SLC6A5: variants seen among roughly 807,000 people sequenced by gnomAD.
SLC6A5 encodes sodium- and chloride-dependent glycine transporter 2.
In SLC6A5, 58 loss-of-function variants were observed where a neutral mutation model predicts 90.5. The observed-to-expected ratio is 0.64, with a 90% CI of 0.52 to 0.80. SLC6A5 has a LOEUF of 0.80. SLC6A5 is among the 30% of genes least tolerant of loss of function. The pLI is 0.00. For missense variants in SLC6A5, 1,015 were observed against 1,017.6 expected (o/e 1.00, Z 0.03); for synonymous variants, 427 against 401.4 (o/e 1.06, Z -0.76).
At chr11:20,608,967 T>TGC (rs1221572179) in intron 5 of SLC6A5, among the ~76,000 whole-genome samples, 1,216 of 94,498 alleles carry the variant, frequency 0.013, 28 homozygotes, top group African/African-American at 0.037. Flanking sequence ...TCTGTGTGTG[T>TGC]GTGTGTGTGT....
rs186730180 is a variant in SLC6A5 at position 20,628,422 on chromosome 11, A to T, written c.1499+339A>T. ...TGGATACAATGGACTGTGCCTTCAG[A>T]TGGTCTTCCCTCTGTGTGGGGCTGT... On this transcript the variant is annotated intron_variant, in intron 9 of 15. Coordinates refer to ENST00000525748, the MANE Select transcript of SLC6A5 (RefSeq NM_004211.5). Among the ~76,000 whole-genome samples the T allele has an allele frequency of 1.8e-3, 275 of 152,292 alleles. 1 individual carries two copies. Among genetic ancestry groups the T allele is most frequent in the African/African-American group, 6.3e-3 (263 of 41,562 alleles).
At position 20,607,600 on chromosome 11, in the gene SLC6A5, C is replaced by T. The variant is rs778195301; in HGVS notation, c.933C>T (p.Cys311=). 1 of 1,614,144 alleles carries T rather than the reference C, an allele frequency of 6.2e-7. No individual in the cohort carries two copies. Among genetic ancestry groups the T allele is most frequent in the Non-Finnish European group, 8.5e-7 (1 of 1,180,002 alleles). ...TGTCTGTACTACCCTGGGGCTCCTGCAACAACCCTTGGAATACGCCAGAAT... is the reference window on the plus strand; with the variant it reads ...TGTCTGTACTACCCTGGGGCTCCTGTAACAACCCTTGGAATACGCCAGAAT... ...SFVSVLPWGS[C]NNPWNTPECK... Residue 311 remains cysteine (C), a synonymous_variant, in exon 5 of 16, where the codon TGC becomes TGT. Coordinates refer to ENST00000525748, the MANE Select transcript of SLC6A5 (RefSeq NM_004211.5).
At chr11:20,622,335 T>A (rs1289879075) in intron 7 of SLC6A5, among the ~76,000 whole-genome samples, 1 of 152,200 alleles carries the variant, frequency 6.6e-6, no homozygotes, top group Non-Finnish European at 1.5e-5. Flanking sequence ...CAGTGCCTAG[T>A]GTGCAAAATT....
chr11:20,643,252 T>G (rs75620449), intron 13 of SLC6A5, among the ~76,000 whole-genome samples: 2,804 of 151,980 alleles, frequency 0.018, 103 homozygotes, highest in African/African-American at 0.064. Context: ...GAAAAAGAAC[T>G]GAGGCCTGCT....
At chr11:20,645,705 C>A (rs1313914673) in intron 13 of SLC6A5, among the ~76,000 whole-genome samples, 2 of 143,508 alleles carry the variant, frequency 1.4e-5, no homozygotes, top group African/African-American at 2.6e-5. Context: ...GTGGTGCGAT[C>A]TCGGCTCACT....
intron 7 of SLC6A5, among the ~76,000 whole-genome samples, chr11:20,626,472 C>T (rs917118685): frequency 6.6e-6 from 1 of 152,058 alleles, no homozygotes; most frequent in Non-Finnish European, 1.5e-5. Flanking sequence ...TGGCTGTAGG[C>T]CGACTCACCC....
intron 13 of SLC6A5, among the ~76,000 whole-genome samples, chr11:20,643,276 A>G (rs1307403815): frequency 6.6e-6 from 1 of 150,702 alleles, no homozygotes; most frequent in Non-Finnish European, 1.5e-5. Context: ...GGTGCTTTAT[A>G]TATATTTTTG....
At chr11:20,628,285 T>C (rs1365025158) in intron 9 of SLC6A5, among the ~76,000 whole-genome samples, 1 of 152,226 alleles carries the variant, frequency 6.6e-6, no homozygotes, top group Admixed American at 6.5e-5. Context: ...CACCTGGCTC[T>C]GACACATGGG....
chr11:20,652,258 C>T (rs1853547870), intron 14 of SLC6A5, 31 bp from the exon 15 acceptor site: 2 of 1,610,856 alleles, frequency 1.2e-6, no homozygotes, highest in South Asian at 2.2e-5. Flanking sequence ...ACGCCACCAC[C>T]CTAACACGTG....
intron 10 of SLC6A5, among the ~76,000 whole-genome samples, chr11:20,635,063 C>T (rs1267955583): frequency 1.3e-5 from 2 of 152,132 alleles, no homozygotes; most frequent in Non-Finnish European, 2.9e-5. Flanking sequence ...GACTTCCCCA[C>T]CAAGACCACA....
At position 20,607,642 on chromosome 11, in the gene SLC6A5, AC is replaced by A; in HGVS notation, c.976del (p.Leu326PhefsTer3). 1 of 1,613,822 alleles carries A rather than the reference AC, an allele frequency of 6.2e-7. No individual in the cohort carries two copies. Among genetic ancestry groups the A allele is most frequent in the Non-Finnish European group, 8.5e-7 (1 of 1,179,768 alleles). Reference sequence around the variant, plus strand: ...CGCCAGAATGCAAAGATAAAACCAAACTTTTATTAGGTAAGTTTGGAAATAC... The same window carrying A: ...CGCCAGAATGCAAAGATAAAACCAAATTTTATTAGGTAAGTTTGGAAATAC... ...NTPECKDKTK[L>X]LLDSCVISDH... On this transcript the variant is annotated frameshift_variant, in exon 5 of 16. Transcript: ENST00000525748. LOFTEE classifies it high-confidence loss of function.
intron 14 of SLC6A5, among the ~76,000 whole-genome samples, chr11:20,648,527 C>G (rs191839857): frequency 6.6e-6 from 1 of 152,216 alleles, no homozygotes; most frequent in African/African-American, 2.4e-5. Flanking sequence ...AAAGGGTAGG[C>G]TTTCTATCTC....
At chr11:20,622,825 A>T (rs1852917646) in intron 7 of SLC6A5, among the ~76,000 whole-genome samples, 1 of 152,076 alleles carries the variant, frequency 6.6e-6, no homozygotes, top group Non-Finnish European at 1.5e-5. Flanking sequence ...AGGTGGTCAG[A>T]GGATGGAAAG....
chr11:20,603,163 AC>A (rs1336911886), intron 2 of SLC6A5, among the ~76,000 whole-genome samples: 1 of 152,158 alleles, frequency 6.6e-6, no homozygotes, highest in Non-Finnish European at 1.5e-5. Context: ...TGTCCTGCAC[AC>A]CCTGTAGAAA....
At chr11:20,627,717 G>A (rs1463501804) in intron 8 of SLC6A5, among the ~76,000 whole-genome samples, 2 of 152,292 alleles carry the variant, frequency 1.3e-5, no homozygotes, top group East Asian at 1.9e-4. Context: ...TAGCTTTACA[G>A]GAGAGAACAT....
chr11:20,616,342 C>T (rs933966956), intron 6 of SLC6A5, among the ~76,000 whole-genome samples: 4 of 152,172 alleles, frequency 2.6e-5, no homozygotes, highest in African/African-American at 7.2e-5. Flanking sequence ...TCTGAAAGAC[C>T]GCCAAAAGCA....
intron 3 of SLC6A5, among the ~76,000 whole-genome samples, chr11:20,605,927 T>A (rs75746897): frequency 0.063 from 9,610 of 152,288 alleles, 673 homozygotes; most frequent in East Asian, 0.35. Context: ...TGGGCCTTCC[T>A]GGCTTGGAGA....
intron 11 of SLC6A5, 109 bp from the exon 12 acceptor site, chr11:20,637,063 C>T: frequency 8.1e-7 from 1 of 1,238,850 alleles, no homozygotes; most frequent in African/African-American, 1.5e-5. Context: ...TCCTAAAAAC[C>T]AAACCTAACA....
Position 20,655,034 on chromosome 11 carries a change from C to T in SLC6A5, c.*166C>T. On this transcript the variant is annotated 3_prime_UTR_variant, in exon 16 of 16. Transcript: ENST00000525748. ...AGAAAAGTAGGCATAGTGTCGCATGCTGCAGTAAAGAGCTACATAGACCAC... is the reference window on the plus strand; with the variant it reads ...AGAAAAGTAGGCATAGTGTCGCATGTTGCAGTAAAGAGCTACATAGACCAC... The T allele has an allele frequency of 1.3e-6, 1 of 788,130 alleles. No homozygotes were observed. Among genetic ancestry groups the T allele is most frequent in the Non-Finnish European group, 2.2e-6 (1 of 456,990 alleles). 48.8% of individuals were successfully genotyped at this position (788,130 alleles called of 1,614,324 possible).
Sources: gnomAD v4.1 joint callset for allele counts (sites outside exome capture counted in the v4.1 genomes callset) on GRCh38, gnomAD v4.1.1 for gene constraint, MANE v1.5 for transcripts, NCBI Gene and HGNC (gene_info 2026-07-23, HGNC 2026-07-21) for gene names.